Variants in CDH12 observed in about 807,000 individuals in gnomAD.
The protein encoded by CDH12 is cadherin 12.
CDH12 carries 41 observed loss-of-function variants against 74.1 expected under a neutral mutation model. That is an observed-to-expected ratio of 0.55 (90% confidence interval 0.43 to 0.72). The LOEUF (loss-of-function observed/expected upper bound fraction) is 0.72. CDH12 is among the 30% of genes least tolerant of loss of function. CDH12 has a pLI of 0.00. For synonymous variants in CDH12, 399 were observed against 355.0 expected, an observed-to-expected ratio of 1.12 and a Z score of -1.39; for missense variants, 945 against 977.2, an observed-to-expected ratio of 0.97 and a Z score of 0.44.
At chr5:22,753,440 A>G (rs1022176827) in intron 1 of CDH12, among the ~76,000 whole-genome samples, 5 of 140,778 alleles carry the variant, frequency 3.6e-5, no homozygotes, top group Non-Finnish European at 7.8e-5. Flanking sequence ...GTGTCAGAAG[A>G]AAAAAAAAAA....
intron 6 of CDH12, among the ~76,000 whole-genome samples, chr5:21,878,925 A>AAAAGAAAG (rs58667501): frequency 8.1e-5 from 12 of 148,758 alleles, no homozygotes; most frequent in African/African-American, 2.5e-4. Flanking sequence ...GGAAGAAAGA[A>AAAAGAAAG]AAAGAAAGAA....
intron 1 of CDH12, among the ~76,000 whole-genome samples, chr5:22,802,283 G>A (rs1221123298): frequency 1.3e-5 from 2 of 151,526 alleles, no homozygotes; most frequent in African/African-American, 4.9e-5. Flanking sequence ...CACCACACCC[G>A]GCTATTTTTT....
intron 4 of CDH12, among the ~76,000 whole-genome samples, chr5:22,109,115 C>A (rs1204210317): frequency 6.6e-6 from 1 of 152,098 alleles, no homozygotes; most frequent in Admixed American, 6.6e-5. Context: ...TCATTTTACT[C>A]TTTATGATAT....
At chr5:22,512,723 G>A (rs534537217) in intron 1 of CDH12, among the ~76,000 whole-genome samples, 14 of 152,278 alleles carry the variant, frequency 9.2e-5, no homozygotes, top group Admixed American at 2.0e-4. Flanking sequence ...AGTAAGGAAT[G>A]GAATCAGAGA....
chr5:22,238,869 G>A (rs1300957282), intron 3 of CDH12, among the ~76,000 whole-genome samples: 1 of 152,162 alleles, frequency 6.6e-6, no homozygotes, highest in East Asian at 1.9e-4. Flanking sequence ...GTAGGCTTAA[G>A]TATCAAATAA....
At chr5:22,216,447 A>G (rs1329364422) in intron 3 of CDH12, among the ~76,000 whole-genome samples, 1 of 151,974 alleles carries the variant, frequency 6.6e-6, no homozygotes, top group Non-Finnish European at 1.5e-5. Flanking sequence ...AGATTCAGCT[A>G]TTACCTCCCT....
At chr5:22,630,829 C>T (rs930979887) in intron 1 of CDH12, among the ~76,000 whole-genome samples, 4 of 151,992 alleles carry the variant, frequency 2.6e-5, no homozygotes, top group African/African-American at 9.7e-5. Context: ...ACAAAGGAAA[C>T]TATCAAGAGA....
At chr5:22,421,334 C>T (rs1743643543) in intron 2 of CDH12, among the ~76,000 whole-genome samples, 2 of 152,080 alleles carry the variant, frequency 1.3e-5, no homozygotes, top group South Asian at 4.1e-4. Flanking sequence ...GCTAGCCCTC[C>T]CCTAACCTGC....
At chr5:21,794,799 T>A (rs1366722175) in intron 10 of CDH12, among the ~76,000 whole-genome samples, 1 of 151,694 alleles carries the variant, frequency 6.6e-6, no homozygotes. Flanking sequence ...ATAGTTTTGT[T>A]ATAGAAACTA....
chr5:21,791,190 GTGAC>G (rs1296398385), intron 10 of CDH12, among the ~76,000 whole-genome samples: 18 of 152,052 alleles, frequency 1.2e-4, no homozygotes, highest in Non-Finnish European at 2.1e-4. Context: ...CTGTCTATAT[GTGAC>G]TGACTAAAAC....
intron 5 of CDH12, among the ~76,000 whole-genome samples, chr5:22,072,670 C>G (rs1742032484): frequency 6.6e-6 from 1 of 151,824 alleles, no homozygotes; most frequent in African/African-American, 2.4e-5. Flanking sequence ...GTGTGCTGCA[C>G]CCATTAACTC....
chr5:21,794,853 T>A (rs1282125557), intron 10 of CDH12, among the ~76,000 whole-genome samples: 1 of 151,616 alleles, frequency 6.6e-6, no homozygotes, highest in Non-Finnish European at 1.5e-5. Flanking sequence ...TGTTTTTTTT[T>A]ATGTAGAGCC....
At chr5:22,589,954 C>T (rs543203993) in intron 1 of CDH12, among the ~76,000 whole-genome samples, 1 of 152,192 alleles carries the variant, frequency 6.6e-6, no homozygotes, top group Admixed American at 6.5e-5. Flanking sequence ...TAACAGAATC[C>T]TCAAATTTAC....
chr5:22,196,639 T>C (rs1248481970), intron 4 of CDH12, among the ~76,000 whole-genome samples: 5 of 152,130 alleles, frequency 3.3e-5, no homozygotes, highest in Non-Finnish European at 7.4e-5. Flanking sequence ...CAAAAAAGGA[T>C]ATCTGCAAGG....
intron 5 of CDH12, among the ~76,000 whole-genome samples, chr5:22,001,536 G>A (rs1214343979): frequency 6.6e-6 from 1 of 151,964 alleles, no homozygotes; most frequent in East Asian, 1.9e-4. Context: ...GAGTACATGT[G>A]CAGGTAAATT....
At chr5:22,569,463 C>T (rs1739440936) in intron 1 of CDH12, among the ~76,000 whole-genome samples, 1 of 152,172 alleles carries the variant, frequency 6.6e-6, no homozygotes, top group South Asian at 2.1e-4. Context: ...CCTGCAGAAC[C>T]ATGAGCCAAT....
At chr5:22,180,573 G>A (rs548680437) in intron 4 of CDH12, among the ~76,000 whole-genome samples, 1 of 151,828 alleles carries the variant, frequency 6.6e-6, no homozygotes, top group East Asian at 1.9e-4. Context: ...AGTGCAGTGG[G>A]GCGATCTTAA....
At chr5:22,236,991 C>T (rs950991380) in intron 3 of CDH12, among the ~76,000 whole-genome samples, 2 of 151,442 alleles carry the variant, frequency 1.3e-5, no homozygotes, top group Non-Finnish European at 2.9e-5. Flanking sequence ...GGAATACATG[C>T]TAAAATAACA....
At chr5:22,386,233 A>G (rs892249344) in intron 3 of CDH12, among the ~76,000 whole-genome samples, 1 of 152,118 alleles carries the variant, frequency 6.6e-6, no homozygotes, top group Non-Finnish European at 1.5e-5. Flanking sequence ...GAGACCTCAC[A>G]TGGCAAGAAC....
Sources: allele counts gnomAD v4.1 joint callset (sites outside exome capture counted in the v4.1 genomes callset), GRCh38; gene constraint gnomAD v4.1.1; transcripts MANE v1.5; gene names NCBI Gene and HGNC (gene_info 2026-07-23, HGNC 2026-07-21).